Variants in DNAH11 observed in about 807,000 individuals in gnomAD.
DNAH11 encodes dynein axonemal heavy chain 11, also known as axonemal beta dynein heavy chain 11.
Under a neutral mutation model 526.0 loss-of-function variants are expected in DNAH11, and 442 were observed. That is an observed-to-expected ratio of 0.84 (90% CI 0.78 to 0.91). The LOEUF (loss-of-function observed/expected upper bound fraction) is 0.91, where lower values mean the gene tolerates loss of function less well. Ranked by LOEUF, DNAH11 falls within the 40% of genes least tolerant of loss-of-function variation. The pLI is 0.00. For missense variants in DNAH11, 6,989 were observed against 5,448.7 expected, an observed-to-expected ratio of 1.28 and a Z score of -8.90; for synonymous variants, 2,461 against 1,935.9, an observed-to-expected ratio of 1.27 and a Z score of -7.12.
At chr7:21,547,712 C>A (rs577831425) in intron 2 of DNAH11, among the ~76,000 whole-genome samples, 1 of 152,190 alleles carries the variant, frequency 6.6e-6, no homozygotes, top group African/African-American at 2.4e-5. Flanking sequence ...TTTGTCATAT[C>A]CTCAGGCTGG....
intron 8 of DNAH11, among the ~76,000 whole-genome samples, chr7:21,577,246 A>C (rs972179218): frequency 6.6e-6 from 1 of 152,182 alleles, no homozygotes; most frequent in Admixed American, 6.5e-5. Flanking sequence ...TAAGCCATCA[A>C]CTGTCCACTC....
intron 74 of DNAH11, among the ~76,000 whole-genome samples, chr7:21,877,500 T>C (rs1783759678): frequency 6.6e-6 from 1 of 152,236 alleles, no homozygotes; most frequent in African/African-American, 2.4e-5. Context: ...CATTCCAGAA[T>C]ATTTATGTAA....
At chr7:21,809,424 ACCAAAAAATCTTTGCCCAGATGT>A (rs562515347) in intron 63 of DNAH11, among the ~76,000 whole-genome samples, 135 of 152,256 alleles carry the variant, frequency 8.9e-4, no homozygotes, top group African/African-American at 3.1e-3. Flanking sequence ...TGTGGTCTTA[ACCAAAAAATCTTTGCCCAGATGT>A]CCTGAAGCAT....
intron 61 of DNAH11, among the ~76,000 whole-genome samples, chr7:21,791,074 A>G (rs1290966958): frequency 6.6e-6 from 1 of 152,200 alleles, no homozygotes; most frequent in Non-Finnish European, 1.5e-5. Flanking sequence ...GATTACGTTC[A>G]AGGCTGGCTG....
intron 18 of DNAH11, among the ~76,000 whole-genome samples, chr7:21,606,171 A>T (rs1176374635): frequency 6.6e-6 from 1 of 152,008 alleles, no homozygotes. Context: ...ACAAATACAA[A>T]AATTATCTGG....
chr7:21,702,404 G>A (rs1054566819), intron 36 of DNAH11, among the ~76,000 whole-genome samples: 1 of 151,944 alleles, frequency 6.6e-6, no homozygotes, highest in Admixed American at 6.6e-5. Flanking sequence ...GAGCTACTGA[G>A]TTAGCAGGTC....
chr7:21,786,875 T>C lies in DNAH11; in HGVS notation c.9741+108T>C, dbSNP rs558134379. 2.4e-5 allele frequency: 35 copies of C among 1,442,144 alleles called. No individual in the cohort carries two copies. In the African/African-American group the frequency reaches 3.1e-4, roughly 13 times the overall value. The allele number at this position is 1,442,144 out of a possible 1,614,324, so 89.3% of individuals were successfully genotyped here. ...ATGTTTAAGTCAGAAGAAATCATCTTCATAGTTGCTGAATGTAATCTACTG... is the reference window on the plus strand; with the variant it reads ...ATGTTTAAGTCAGAAGAAATCATCTCCATAGTTGCTGAATGTAATCTACTG... On this transcript the variant is annotated intron_variant, in intron 59 of 81. Coordinates refer to ENST00000409508, the MANE Select transcript of DNAH11 (RefSeq NM_001277115.2).
intron 28 of DNAH11, among the ~76,000 whole-genome samples, chr7:21,644,676 C>T (rs1787272477): frequency 6.6e-6 from 1 of 152,166 alleles, no homozygotes; most frequent in Non-Finnish European, 1.5e-5. Context: ...CTCTATTTAC[C>T]TGCAGCTGAG....
At chr7:21,651,488 G>A (rs1781771033) in intron 28 of DNAH11, among the ~76,000 whole-genome samples, 1 of 152,122 alleles carries the variant, frequency 6.6e-6, no homozygotes, top group African/African-American at 2.4e-5. Flanking sequence ...TCAGCCTCCG[G>A]AGTAGCTGGA....
Position 21,801,270 on chromosome 7 carries a change from A to G in DNAH11, c.10160A>G (p.Glu3387Gly). Residue 3387 changes from glutamate (E) to glycine (G), a missense_variant, in exon 62 of 82, where the codon GAG (glutamate) becomes GGG (glycine). Transcript: ENST00000409508. Reference protein sequence around the residue: ...KLANRLVKELEAKKIRWGQSI... With the variant: ...KLANRLVKELGAKKIRWGQSI... ...GCTAACAGACTTGTCAAGGAACTTG[A>G]GGCAAGTTAAACCTTTTCTTCCAAA... 6.2e-7 allele frequency: 1 copy of G among 1,613,846 alleles called. No individual in the cohort carries two copies. The highest frequency in any genetic ancestry group is 8.5e-7 in the Non-Finnish European group (1 of 1,179,840).
chr7:21,880,591 C>G, intron 74 of DNAH11, 111 bp from the exon 75 acceptor site: 1 of 1,111,694 alleles, frequency 9.0e-7, no homozygotes, highest in Non-Finnish European at 1.3e-6. Context: ...TGAAGACTGC[C>G]TCTGTAGTAT....
rs562849141 is a variant in DNAH11, at chr7:21,823,515, A to G, written c.10691+5176A>G. ...AGTTAAGTGTTAACTGGAAATTTTA[A>G]TTTGCCTTATTTAATGTCTCCTTTA... On this transcript the variant is annotated intron_variant, in intron 65 of 81. Coordinates refer to ENST00000409508, the MANE Select transcript of DNAH11 (RefSeq NM_001277115.2). 4.6e-5 allele frequency among the ~76,000 whole-genome samples: 7 copies of G among 152,120 alleles called. No homozygotes were observed. In the East Asian group the frequency reaches 1.2e-3, roughly 25 times the overall value.
At chr7:21,644,728 C>G (rs907542876) in intron 28 of DNAH11, among the ~76,000 whole-genome samples, 2 of 152,130 alleles carry the variant, frequency 1.3e-5, no homozygotes, top group Non-Finnish European at 2.9e-5. Context: ...TAGTCTGTCA[C>G]AGAAAGTACA....
chr7:21,606,675 T>G lies in DNAH11; in HGVS notation c.3794T>G (p.Phe1265Cys), dbSNP rs1785299941. 2 of 1,609,302 alleles carry G rather than the reference T, an allele frequency of 1.2e-6. No individual in the cohort carries two copies. The highest frequency in any genetic ancestry group is 1.6e-4 in the Middle Eastern group (1 of 6,072). ...DAKQAEFRER[F>C]RHYAPLGFNA... ...AAGCAGGCAGAGTTCAGAGAGAGATTCAGACACTATGCCCCTCTTGGATTT... is the reference window on the plus strand; with the variant it reads ...AAGCAGGCAGAGTTCAGAGAGAGATGCAGACACTATGCCCCTCTTGGATTT... The change falls in exon 20 of 82, where the codon TTC (phenylalanine) becomes TGC (cysteine). Residue 1265 changes from phenylalanine to cysteine, a missense_variant. Coordinates refer to ENST00000409508, the MANE Select transcript of DNAH11 (RefSeq NM_001277115.2).
At chr7:21,592,384 G>C (rs1341465381) in intron 14 of DNAH11, among the ~76,000 whole-genome samples, 1 of 152,142 alleles carries the variant, frequency 6.6e-6, no homozygotes, top group Non-Finnish European at 1.5e-5. Flanking sequence ...GAGAGCAAAA[G>C]TATAGACACT....
intron 9 of DNAH11, 134 bp from the exon 10 acceptor site, chr7:21,587,930 A>G: frequency 1.3e-6 from 1 of 752,806 alleles, no homozygotes; most frequent in Non-Finnish European, 1.9e-6. Context: ...TACATTTTAC[A>G]TTTTGAAGCA....
At chr7:21,844,223 G>C (rs761373114) in intron 66 of DNAH11, among the ~76,000 whole-genome samples, 1 of 152,116 alleles carries the variant, frequency 6.6e-6, no homozygotes, top group Non-Finnish European at 1.5e-5. Flanking sequence ...AGGCCAGTTT[G>C]AGACCAGCCT....
chr7:21,608,213 T>C (rs544528239), intron 20 of DNAH11, among the ~76,000 whole-genome samples: 2 of 152,180 alleles, frequency 1.3e-5, no homozygotes, highest in Non-Finnish European at 2.9e-5. Context: ...TACTTTATTA[T>C]AGTTGACTAT....
At chr7:21,625,576 C>A (rs529595031) in intron 25 of DNAH11, among the ~76,000 whole-genome samples, 19 of 151,916 alleles carry the variant, frequency 1.3e-4, no homozygotes, top group African/African-American at 4.6e-4. Flanking sequence ...TTTTCTAGTT[C>A]CTGAAGGGTT....
Sources: gnomAD v4.1 joint callset for allele counts (sites outside exome capture counted in the v4.1 genomes callset) on GRCh38, gnomAD v4.1.1 for gene constraint, MANE v1.5 for transcripts, NCBI Gene and HGNC (gene_info 2026-07-23, HGNC 2026-07-21) for gene names.